The following GRM7 variants were observed in gnomAD, a reference collection of about 807,000 sequenced individuals.
GRM7 encodes glutamate metabotropic receptor 7, also known as metabotropic glutamate receptor 7.
Under a neutral mutation model 84.5 loss-of-function variants are expected in GRM7, and 35 were observed. The observed-to-expected ratio is 0.41, with a 90% CI of 0.32 to 0.55. The LOEUF (loss-of-function observed/expected upper bound fraction) is 0.55, where lower values mean the gene tolerates loss of function less well. Ranked by LOEUF, GRM7 falls within the 20% of genes least tolerant of loss-of-function variation. GRM7 has a pLI of 0.19. For missense variants in GRM7, 1,003 were observed against 1,194.6 expected, an observed-to-expected ratio of 0.84 and a Z score of 2.36; for synonymous variants, 487 against 455.1, an observed-to-expected ratio of 1.07 and a Z score of -0.89.
At chr3:6,933,635 A>G (rs1697584354) in intron 1 of GRM7, among the ~76,000 whole-genome samples, 1 of 152,110 alleles carries the variant, frequency 6.6e-6, no homozygotes. Context: ...TCAAATCAGA[A>G]CTTTTAAGTC....
At chr3:7,470,132 C>A (rs1698639426) in intron 7 of GRM7, among the ~76,000 whole-genome samples, 1 of 152,260 alleles carries the variant, frequency 6.6e-6, no homozygotes, top group Admixed American at 6.5e-5. Context: ...ACATAATCCC[C>A]CTAACTCCCA....
intron 1 of GRM7, among the ~76,000 whole-genome samples, chr3:7,059,243 C>T (rs1202903945): frequency 6.6e-6 from 1 of 151,672 alleles, no homozygotes; most frequent in Non-Finnish European, 1.5e-5. Flanking sequence ...AGTAAATCTA[C>T]ACAGGACAGA....
chr3:7,300,860 T>G (rs1018831086), intron 3 of GRM7, among the ~76,000 whole-genome samples: 1 of 152,180 alleles, frequency 6.6e-6, no homozygotes, highest in African/African-American at 2.4e-5. Context: ...TTCGTAAAAT[T>G]AGGGCAGAAA....
At chr3:7,104,099 A>G (rs1156545520) in intron 1 of GRM7, among the ~76,000 whole-genome samples, 1 of 151,336 alleles carries the variant, frequency 6.6e-6, no homozygotes, top group Admixed American at 6.6e-5. Context: ...TAGTCGTCTT[A>G]TGATGGGATT....
intron 9 of GRM7, among the ~76,000 whole-genome samples, chr3:7,728,050 G>T (rs1306992452): frequency 6.6e-6 from 1 of 152,066 alleles, no homozygotes; most frequent in Non-Finnish European, 1.5e-5. Flanking sequence ...GAGCCCTCTT[G>T]GTCCTCTGAG....
In GRM7 at chr3:7,444,185, C is replaced by T. The variant is rs28474888; in HGVS notation, c.1175-8422C>T. Among the ~76,000 whole-genome samples the T allele has an allele frequency of 5.7e-3, 865 of 152,264 alleles. 5 individuals are homozygous for T. The highest frequency in any genetic ancestry group is 0.018 in the African/African-American group (754 of 41,558). On this transcript the variant is annotated intron_variant, in intron 5 of 9. Transcript: ENST00000357716. ...TGAAAGTTCAACCTGAATACAACTC[C>T]TGGGATGGCATAAACAGAGTTTCAG...
intron 7 of GRM7, among the ~76,000 whole-genome samples, chr3:7,468,828 A>G (rs1452025445): frequency 1.3e-5 from 2 of 152,162 alleles, no homozygotes; most frequent in East Asian, 1.9e-4. Context: ...CACCATACAA[A>G]GAAGGTCCTT....
chr3:7,345,154 C>A (rs1005149773), intron 4 of GRM7, among the ~76,000 whole-genome samples: 1 of 151,884 alleles, frequency 6.6e-6, no homozygotes, highest in Non-Finnish European at 1.5e-5. Context: ...ATAGAAATGA[C>A]GTTTGAATTT....
intron 7 of GRM7, among the ~76,000 whole-genome samples, chr3:7,538,708 A>G (rs1422638553): frequency 6.6e-6 from 1 of 152,210 alleles, no homozygotes; most frequent in East Asian, 1.9e-4. Flanking sequence ...CCACCAAAAA[A>G]AAATGATAAA....
intron 1 of GRM7, among the ~76,000 whole-genome samples, chr3:7,134,738 G>A (rs1157084904): frequency 1.3e-5 from 2 of 152,128 alleles, no homozygotes; most frequent in Non-Finnish European, 2.9e-5. Context: ...CTGTAACCAA[G>A]AGAAAGGTAC....
At chr3:7,577,077 TC>T (rs1017457748) in intron 7 of GRM7, among the ~76,000 whole-genome samples, 29 of 152,264 alleles carry the variant, frequency 1.9e-4, no homozygotes, top group African/African-American at 7.0e-4. Context: ...AAACTCTGAG[TC>T]CAGTGAAAAC....
At chr3:7,468,650 C>T (rs1698560707) in intron 7 of GRM7, among the ~76,000 whole-genome samples, 2 of 152,174 alleles carry the variant, frequency 1.3e-5, no homozygotes, top group South Asian at 2.1e-4. Context: ...TTATAATCCC[C>T]ATGTGTTGAG....
At chr3:7,540,912 G>C (rs1477680784) in intron 7 of GRM7, among the ~76,000 whole-genome samples, 1 of 152,130 alleles carries the variant, frequency 6.6e-6, no homozygotes, top group Admixed American at 6.6e-5. Flanking sequence ...GGGCATAGAT[G>C]AATCTTTAAA....
At chr3:7,168,834 A>T (rs980922832) in intron 2 of GRM7, among the ~76,000 whole-genome samples, 1 of 152,170 alleles carries the variant, frequency 6.6e-6, no homozygotes, top group East Asian at 1.9e-4. Context: ...CTATGAAAGG[A>T]TTTCATCTTG....
intron 1 of GRM7, among the ~76,000 whole-genome samples, chr3:6,867,661 C>T (rs1336373790): frequency 6.6e-6 from 1 of 152,136 alleles, no homozygotes; most frequent in Non-Finnish European, 1.5e-5. Flanking sequence ...AAAACAGCTG[C>T]AAACATATTT....
rs564665382 is a variant in GRM7, at chr3:7,646,970, T to C, written c.2452-33079T>C. 4.3e-4 allele frequency among the ~76,000 whole-genome samples: 66 copies of C among 152,306 alleles called. 1 individual carries two copies. Among genetic ancestry groups the C allele is most frequent in the Admixed American group, 2.7e-3 (42 of 15,292 alleles). On this transcript the variant is annotated intron_variant, in intron 8 of 9. Transcript: ENST00000357716. Reference sequence around the variant, plus strand: ...AAGGCTGCATTACCAGGTACACTTGTAGAGGTGAACTGGGTCAAGGGCCAA... The same window carrying C: ...AAGGCTGCATTACCAGGTACACTTGCAGAGGTGAACTGGGTCAAGGGCCAA...
At chr3:7,397,021 G>A (rs13066750) in intron 4 of GRM7, among the ~76,000 whole-genome samples, 49,853 of 151,758 alleles carry the variant, frequency 0.33, 9,245 homozygotes, top group Non-Finnish European at 0.43. Context: ...CTGTGCCCAT[G>A]GGTTCCATTT....
intron 8 of GRM7, among the ~76,000 whole-genome samples, chr3:7,662,396 C>T (rs1343197022): frequency 6.6e-6 from 1 of 151,824 alleles, no homozygotes; most frequent in East Asian, 1.9e-4. Flanking sequence ...CATGCTTCAA[C>T]AAATCTGTTT....
At chr3:7,119,854 A>T (rs553642721) in intron 1 of GRM7, among the ~76,000 whole-genome samples, 12 of 152,260 alleles carry the variant, frequency 7.9e-5, no homozygotes, top group Admixed American at 2.6e-4. Flanking sequence ...CTCATATTTT[A>T]AAATTATGGG....
Sources: gnomAD v4.1 joint callset for allele counts (sites outside exome capture counted in the v4.1 genomes callset) on GRCh38, gnomAD v4.1.1 for gene constraint, MANE v1.5 for transcripts, NCBI Gene and HGNC (gene_info 2026-07-23, HGNC 2026-07-21) for gene names.